ANKRD45: variants seen among roughly 807,000 people sequenced by gnomAD.
The protein encoded by ANKRD45 is ankyrin repeat domain 45, also known as ankyrin repeat domain-containing protein 45.
ANKRD45 carries 21 observed loss-of-function variants against 28.1 expected under a neutral mutation model. The ratio of observed to expected loss-of-function variants is 0.75; its 90% CI spans 0.53 to 1.08. ANKRD45 has a LOEUF of 1.08. Ranked by LOEUF, ANKRD45 falls within the 50% of genes least tolerant of loss-of-function variation. The probability of loss-of-function intolerance (pLI) is 0.00; values close to 1 mark genes in which losing one functional copy is unlikely to be tolerated. For missense variants in ANKRD45, 261 were observed against 308.7 expected (o/e 0.85, Z 1.16); for synonymous variants, 86 against 103.9 (o/e 0.83, Z 1.05).
At chr1:173,691,850 A>G in the ANKRD45 span, among the ~76,000 whole-genome samples, 1 of 152,232 alleles carries the variant, frequency 6.6e-6, no homozygotes, top group African/African-American at 2.4e-5. Flanking sequence ...GTGAGCGCAC[A>G]CTTGGACAAG....
the ANKRD45 span, among the ~76,000 whole-genome samples, chr1:173,703,800 G>A: frequency 6.6e-6 from 1 of 152,218 alleles, no homozygotes; most frequent in Admixed American, 6.5e-5. Context: ...CACTCTTTCA[G>A]TTGGTCATAA....
the ANKRD45 span, among the ~76,000 whole-genome samples, chr1:173,675,161 C>G: frequency 6.6e-6 from 1 of 151,908 alleles, no homozygotes; most frequent in Non-Finnish European, 1.5e-5. Flanking sequence ...AAATAGGTTG[C>G]TATTATTTTC....
the ANKRD45 span, chr1:173,675,303 G>A: frequency 6.2e-6 from 2 of 322,632 alleles, no homozygotes; most frequent in Non-Finnish European, 1.2e-5. Context: ...TATTTTGCAG[G>A]CATGTAGCCA....
intron 2 of ANKRD45, among the ~76,000 whole-genome samples, chr1:173,651,819 T>C (rs1669240779): frequency 6.6e-6 from 1 of 152,200 alleles, no homozygotes; most frequent in Non-Finnish European, 1.5e-5. Context: ...ACATCCCTTG[T>C]AAGTTGGATT....
chr1:173,669,295 G>C (rs1558151320), intron 1 of ANKRD45, among the ~76,000 whole-genome samples: 1 of 152,012 alleles, frequency 6.6e-6, no homozygotes, highest in Non-Finnish European at 1.5e-5. Flanking sequence ...TCCAGGTAAC[G>C]GGAAGAGCAT....
the ANKRD45 span, among the ~76,000 whole-genome samples, chr1:173,681,051 A>G: frequency 6.6e-6 from 1 of 152,086 alleles, no homozygotes; most frequent in South Asian, 2.1e-4. Flanking sequence ...TGATGGGTAC[A>G]GCAAACCACC....
chr1:173,661,452 TA>T (rs1347973559), intron 1 of ANKRD45, among the ~76,000 whole-genome samples: 3 of 152,106 alleles, frequency 2.0e-5, no homozygotes, highest in African/African-American at 4.8e-5. Flanking sequence ...AGTCTGCTCT[TA>T]AAAAGAGGCT....
the ANKRD45 span, among the ~76,000 whole-genome samples, chr1:173,706,301 CA>C: frequency 2.3e-3 from 219 of 93,582 alleles, 1 homozygote; most frequent in South Asian, 4.2e-3. Context: ...GATTCCGTCT[CA>C]AAAAAAAAAA....
chr1:173,710,407 C>G, the ANKRD45 span, among the ~76,000 whole-genome samples: 59 of 152,294 alleles, frequency 3.9e-4, no homozygotes, highest in African/African-American at 1.3e-3. Flanking sequence ...AACTTGAAAA[C>G]AAGTGTGAAG....
intron 3 of ANKRD45, among the ~76,000 whole-genome samples, chr1:173,639,937 G>A (rs1668630759): frequency 6.6e-6 from 1 of 152,172 alleles, no homozygotes; most frequent in African/African-American, 2.4e-5. Context: ...GCTATCCCAG[G>A]TTTTAAACAT....
chr1:173,699,741 T>C, the ANKRD45 span, among the ~76,000 whole-genome samples: 2 of 152,172 alleles, frequency 1.3e-5, no homozygotes, highest in African/African-American at 2.4e-5. Context: ...ACTGGAAGCA[T>C]TCCCTTTGAA....
At chr1:173,662,085 C>T (rs537424728) in intron 1 of ANKRD45, among the ~76,000 whole-genome samples, 3 of 152,232 alleles carry the variant, frequency 2.0e-5, no homozygotes, top group East Asian at 3.9e-4. Context: ...TCTATTCTAA[C>T]GACTCAACTC....
chr1:173,629,125 T>C (rs1416267906), intron 3 of ANKRD45, among the ~76,000 whole-genome samples: 1 of 152,182 alleles, frequency 6.6e-6, no homozygotes, highest in Non-Finnish European at 1.5e-5. Context: ...ACCAAAAACT[T>C]AGATCACAAC....
chr1:173,702,717 CTTTTT>C, the ANKRD45 span, among the ~76,000 whole-genome samples: 2 of 119,078 alleles, frequency 1.7e-5, no homozygotes, highest in South Asian at 2.8e-4. Context: ...TCTGTGTCCT[CTTTTT>C]TTTTTTTTTT....
At chr1:173,693,904 A>C in the ANKRD45 span, among the ~76,000 whole-genome samples, 1 of 152,186 alleles carries the variant, frequency 6.6e-6, no homozygotes, top group Non-Finnish European at 1.5e-5. Context: ...TTAATACCAA[A>C]TTACTGGAAG....
chr1:173,646,871 C>T lies in ANKRD45; in HGVS notation c.471G>A (p.Glu157=). The T allele has an allele frequency of 9.9e-6, 16 of 1,614,160 alleles. No homozygotes were observed. The highest frequency in any genetic ancestry group is 2.2e-5 in the East Asian group (1 of 44,886). ...RDVAARYSQT[E]CVEFLDWADA... ...CTGCCCAGTCCAGGAATTCAACACA[C>T]TCAGTCTGAGAATATCTAGCAGCAA... The change falls in exon 3 of 6, where the codon GAG becomes GAA. Residue 157 remains glutamate (E), a synonymous_variant. Coordinates refer to ENST00000333279, the MANE Select transcript of ANKRD45 (RefSeq NM_198493.3).
Position 173,624,909 on chromosome 1 carries a change from G to A in ANKRD45, c.608C>T (p.Ala203Val). Residue 203 changes from alanine to valine, a missense_variant, in exon 5 of 6, where the codon GCA becomes GTA. Transcript: ENST00000333279. The part of the protein sequence containing the change: ...LKEDKNTILS[A>V]CRAKNEWLET... ...CAACCACTCATTTTTTGCACGGCAT[G>A]CACTGAGGATGGTATTCTAGGGACA... is the stretch of plus-strand genomic sequence containing the variant. 6.2e-7 allele frequency: 1 copy of A among 1,613,492 alleles called. No individual in the cohort carries two copies.
the ANKRD45 span, among the ~76,000 whole-genome samples, chr1:173,703,255 G>C: frequency 7.3e-4 from 110 of 150,944 alleles, no homozygotes; most frequent in African/African-American, 2.6e-3. Context: ...CCAGGCTGGA[G>C]TGCAGTGACA....
upstream of ANKRD45, among the ~76,000 whole-genome samples, chr1:173,673,267 C>T (rs937511301): frequency 3.3e-5 from 5 of 152,002 alleles, no homozygotes; most frequent in African/African-American, 1.2e-4. Context: ...CACATCACCA[C>T]GCCTTGCTAA....
Sources: allele counts gnomAD v4.1 joint callset (sites outside exome capture counted in the v4.1 genomes callset), GRCh38; gene constraint gnomAD v4.1.1; transcripts MANE v1.5; gene names NCBI Gene and HGNC (gene_info 2026-07-23, HGNC 2026-07-21).